The following GPR39 variants were observed in gnomAD, a reference collection of about 807,000 sequenced individuals.
GPR39 encodes G protein-coupled receptor 39, also known as zinc sensing receptor.
GPR39 carries 23 observed loss-of-function variants against 18.4 expected under a neutral mutation model. The ratio of observed to expected loss-of-function variants is 1.25; its 90% CI spans 0.90 to 1.77. The LOEUF is 1.77. GPR39 is among the 40% of genes most tolerant of loss of function. The pLI, the probability that GPR39 is intolerant of heterozygous loss-of-function variation, is 0.00. For synonymous variants in GPR39, 280 were observed against 257.9 expected (o/e 1.09, Z -0.82); for missense variants, 647 against 602.4 (o/e 1.07, Z -0.78).
At chr2:132,567,706 T>C (rs1680375525) in intron 1 of GPR39, among the ~76,000 whole-genome samples, 1 of 152,184 alleles carries the variant, frequency 6.6e-6, no homozygotes, top group South Asian at 2.1e-4. Context: ...CAGCAGATGG[T>C]GAATCTTGAT....
intron 1 of GPR39, among the ~76,000 whole-genome samples, chr2:132,582,619 G>T (rs1267317433): frequency 5.3e-5 from 8 of 152,154 alleles, no homozygotes; most frequent in African/African-American, 1.9e-4. Context: ...GCCTGTCTCA[G>T]TGGAGTAAGG....
intron 1 of GPR39, among the ~76,000 whole-genome samples, chr2:132,620,499 C>T (rs759078061): frequency 1.3e-5 from 2 of 152,192 alleles, no homozygotes; most frequent in Non-Finnish European, 2.9e-5. Context: ...GCAAACCCTG[C>T]CCCACAGCCC....
intron 1 of GPR39, among the ~76,000 whole-genome samples, chr2:132,493,267 A>G (rs1213100732): frequency 1.4e-5 from 2 of 144,880 alleles, no homozygotes; most frequent in South Asian, 2.2e-4. Context: ...TATATATACC[A>G]TATATGTATA....
intron 1 of GPR39, among the ~76,000 whole-genome samples, chr2:132,423,446 A>G (rs1266646826): frequency 6.6e-6 from 1 of 152,124 alleles, no homozygotes; most frequent in African/African-American, 2.4e-5. Context: ...TCAACATGTG[A>G]ATTTGCAGGG....
chr2:132,567,893 C>G (rs566628231), intron 1 of GPR39, among the ~76,000 whole-genome samples: 1 of 152,232 alleles, frequency 6.6e-6, no homozygotes, highest in East Asian at 1.9e-4. Flanking sequence ...CCTACACAAG[C>G]GCTCTTCTCT....
intron 1 of GPR39, among the ~76,000 whole-genome samples, chr2:132,621,974 A>C (rs1681449794): frequency 6.6e-6 from 1 of 152,158 alleles, no homozygotes; most frequent in South Asian, 2.1e-4. Context: ...AGGGATATGC[A>C]TAGAGATGGC....
intron 1 of GPR39, among the ~76,000 whole-genome samples, chr2:132,570,109 TC>T (rs1238875581): frequency 6.6e-6 from 1 of 152,090 alleles, no homozygotes; most frequent in Non-Finnish European, 1.5e-5. Flanking sequence ...TCACTGGGGC[TC>T]CCCGGGAGCC....
At chr2:132,543,679 C>G (rs895888085) in intron 1 of GPR39, among the ~76,000 whole-genome samples, 1 of 152,110 alleles carries the variant, frequency 6.6e-6, no homozygotes, top group Non-Finnish European at 1.5e-5. Context: ...ATCATAAACA[C>G]AGGAATGATG....
chr2:132,581,796 T>A (rs1363498703), intron 1 of GPR39, among the ~76,000 whole-genome samples: 4 of 152,230 alleles, frequency 2.6e-5, no homozygotes, highest in Non-Finnish European at 4.4e-5. Context: ...TTTTATTCAG[T>A]GGCTAATGAA....
At position 132,417,350 on chromosome 2, in the gene GPR39, G is replaced by A. The variant is rs1242192922; in HGVS notation, c.308G>A (p.Ser103Asn). The change falls in exon 1 of 2, where the codon AGC becomes AAC. Residue 103 changes from serine (S) to asparagine (N), a missense_variant. Coordinates refer to ENST00000329321, the MANE Select transcript of GPR39 (RefSeq NM_001508.3). ...ATCTGGAATCCCCTGACCACGTCCA[G>A]CTACACCCTGTCCTGCAAGCTGCAC... is the stretch of plus-strand genomic sequence containing the variant. ...SIIWNPLTTS[S>N]YTLSCKLHTF... 9 of 1,614,026 alleles carry A rather than the reference G, an allele frequency of 5.6e-6. No homozygotes were observed. Among genetic ancestry groups the A allele is most frequent in the Non-Finnish European group, 6.8e-6 (8 of 1,180,022 alleles).
intron 1 of GPR39, among the ~76,000 whole-genome samples, chr2:132,572,921 T>C (rs971631586): frequency 6.6e-6 from 1 of 152,218 alleles, no homozygotes; most frequent in Non-Finnish European, 1.5e-5. Flanking sequence ...CATGCCCATC[T>C]GTGGAGGTAG....
At chr2:132,544,885 G>C (rs374056121) in intron 1 of GPR39, among the ~76,000 whole-genome samples, 2 of 152,198 alleles carry the variant, frequency 1.3e-5, no homozygotes, top group Non-Finnish European at 2.9e-5. Context: ...ATTGGTTTGT[G>C]AGTATGTGAA....
chr2:132,467,484 ATCAT>A (rs1558806876), intron 1 of GPR39, among the ~76,000 whole-genome samples: 1 of 152,186 alleles, frequency 6.6e-6, no homozygotes, highest in Non-Finnish European at 1.5e-5. Flanking sequence ...GAATGATGAG[ATCAT>A]TCATACCCCA....
intron 1 of GPR39, among the ~76,000 whole-genome samples, chr2:132,438,228 A>G (rs531745478): frequency 1.3e-5 from 2 of 152,250 alleles, no homozygotes; most frequent in African/African-American, 4.8e-5. Flanking sequence ...ATGCTTATAT[A>G]TAATTAGGTC....
At position 132,642,423 on chromosome 2, in the gene GPR39, AC is replaced by A. The variant is rs1486564835; in HGVS notation, c.857-2674del. Among the ~76,000 whole-genome samples the A allele has an allele frequency of 2.6e-5, 4 of 151,792 alleles. No homozygotes were observed. The East Asian group carries it at 7.7e-4, about 29-fold the overall frequency. On this transcript the variant is annotated intron_variant, in intron 1 of 1. Coordinates refer to ENST00000329321, the MANE Select transcript of GPR39 (RefSeq NM_001508.3). ...CAAACAACACCACAACTCTTTATCT[AC>A]CCCTGCCTTTGCCTTGTACCTGGAG...
intron 1 of GPR39, among the ~76,000 whole-genome samples, chr2:132,554,600 G>A (rs1323633226): frequency 6.6e-6 from 1 of 152,196 alleles, no homozygotes; most frequent in African/African-American, 2.4e-5. Context: ...GATAGCTACA[G>A]TGACCTGCCC....
intron 1 of GPR39, among the ~76,000 whole-genome samples, chr2:132,632,277 T>G (rs1221679099): frequency 6.6e-6 from 1 of 152,170 alleles, no homozygotes; most frequent in Non-Finnish European, 1.5e-5. Flanking sequence ...GCTAGTTTGC[T>G]TCTTTTTAGC....
intron 1 of GPR39, among the ~76,000 whole-genome samples, chr2:132,422,197 C>T (rs189939461): frequency 6.6e-6 from 1 of 152,300 alleles, no homozygotes; most frequent in East Asian, 1.9e-4. Flanking sequence ...AAATCACCCT[C>T]ATGGAAGCAC....
chr2:132,619,274 G>A (rs560630678), intron 1 of GPR39, among the ~76,000 whole-genome samples: 24 of 152,330 alleles, frequency 1.6e-4, no homozygotes, highest in African/African-American at 5.8e-4. Flanking sequence ...AGCAATTTGA[G>A]GCACTGGACT....
Sources: gnomAD v4.1 joint callset for allele counts (sites outside exome capture counted in the v4.1 genomes callset) on GRCh38, gnomAD v4.1.1 for gene constraint, MANE v1.5 for transcripts, NCBI Gene and HGNC (gene_info 2026-07-23, HGNC 2026-07-21) for gene names.